The following ANO6 variants were observed in gnomAD, a reference collection of about 807,000 sequenced individuals.
ANO6 encodes the protein anoctamin 6.
Under a neutral mutation model 117.5 loss-of-function variants are expected in ANO6, and 106 were observed. The observed-to-expected ratio is 0.90, with a 90% CI of 0.77 to 1.06. The LOEUF is 1.06. ANO6 is among the 50% of genes least tolerant of loss of function. The pLI is 0.00. For missense variants in ANO6, 955 were observed against 1,121.1 expected, an observed-to-expected ratio of 0.85 and a Z score of 2.12; for synonymous variants, 367 against 385.1, an observed-to-expected ratio of 0.95 and a Z score of 0.55.
intron 3 of ANO6, among the ~76,000 whole-genome samples, chr12:45,346,028 G>C (rs186678589): frequency 2.0e-5 from 3 of 152,002 alleles, no homozygotes; most frequent in African/African-American, 7.2e-5. Flanking sequence ...CTTTTATAAG[G>C]AGCTCATTCC....
intron 1 of ANO6, among the ~76,000 whole-genome samples, chr12:45,231,610 C>T (rs1401382151): frequency 5.3e-5 from 8 of 152,198 alleles, no homozygotes; most frequent in African/African-American, 1.9e-4. Flanking sequence ...TCTCTTACTG[C>T]ATTTAGAATT....
At chr12:45,297,995 C>G (rs1305155520) in intron 1 of ANO6, among the ~76,000 whole-genome samples, 1 of 152,132 alleles carries the variant, frequency 6.6e-6, no homozygotes, top group Non-Finnish European at 1.5e-5. Flanking sequence ...TAGGGCCTTA[C>G]CACACAGTGT....
At chr12:45,383,569 A>C (rs2137562096) in intron 10 of ANO6, among the ~76,000 whole-genome samples, 1 of 151,102 alleles carries the variant, frequency 6.6e-6, no homozygotes, top group South Asian at 2.1e-4. Context: ...GGACTCCTTG[A>C]TCTATGGGCT....
intron 2 of ANO6, among the ~76,000 whole-genome samples, chr12:45,307,842 A>G (rs575914580): frequency 1.8e-4 from 27 of 152,106 alleles, no homozygotes; most frequent in Admixed American, 4.6e-4. Context: ...AGAAAGTATA[A>G]AGTAGGAAGG....
chr12:45,422,957 G>T lies in ANO6; in HGVS notation c.2421G>T (p.Arg807Ser), dbSNP rs138562350. Residue 807 changes from arginine to serine, a missense_variant and splice_region_variant, in exon 19 of 20, where the codon AGG becomes AGT. Arg to Ser is a moderately radical substitution (Grantham distance 110). Transcript: ENST00000320560. ...YSDLGNHTTC[R>S]YRDFRYPPGH... ...CAATATGTCTCCATTTTGTTTTCAG[G>T]TATCGTGATTTCCGATACCCACCTG... 5.6e-6 allele frequency: 9 copies of T among 1,605,084 alleles called. No individual in the cohort carries two copies. The highest frequency in any genetic ancestry group is 1.6e-4 in the Middle Eastern group (1 of 6,074).
rs966950707 is a variant in ANO6, at chr12:45,346,895, A to C, written c.280-127A>C. ...TTCTTCTATTCCATTTGCTTGACCAAATGCTGATGCATTTCTTTTTCAGGT... is the reference window on the plus strand; with the variant it reads ...TTCTTCTATTCCATTTGCTTGACCACATGCTGATGCATTTCTTTTTCAGGT... On this transcript the variant is annotated intron_variant, in intron 3 of 19. Coordinates refer to ENST00000320560, the MANE Select transcript of ANO6 (RefSeq NM_001025356.3). The C allele has an allele frequency of 3.7e-6, 3 of 810,646 alleles. No homozygotes were observed. In the African/African-American group the frequency reaches 5.1e-5, roughly 14 times the overall value. 50.2% of individuals were successfully genotyped at this position (810,646 alleles called of 1,614,324 possible).
At chr12:45,333,407 T>G (rs1940732265) in intron 3 of ANO6, among the ~76,000 whole-genome samples, 1 of 152,080 alleles carries the variant, frequency 6.6e-6, no homozygotes, top group South Asian at 2.1e-4. Context: ...CCAATGGATC[T>G]GGATTGAGCA....
At chr12:45,241,942 T>C (rs1947750741) in intron 1 of ANO6, among the ~76,000 whole-genome samples, 1 of 152,158 alleles carries the variant, frequency 6.6e-6, no homozygotes, top group South Asian at 2.1e-4. Flanking sequence ...CTGTGGAAGC[T>C]TCGTGCTAGA....
In ANO6 at chr12:45,432,109, ACTT is replaced by A. The variant is rs1943646109; in HGVS notation, c.*2802_*2804del. On this transcript the variant is annotated 3_prime_UTR_variant, in exon 20 of 20. Coordinates refer to ENST00000320560, the MANE Select transcript of ANO6 (RefSeq NM_001025356.3). ...GGTCAGAATGTACTCTTGTTGAAACACTTCTTGTACCATTTTATGTTCATATTA... is the reference window on the plus strand; with the variant it reads ...GGTCAGAATGTACTCTTGTTGAAACACTTGTACCATTTTATGTTCATATTA... 1.0e-6 allele frequency: 1 copy of A among 985,400 alleles called. No individual in the cohort carries two copies. Among genetic ancestry groups the A allele is most frequent in the Non-Finnish European group, 1.2e-6 (1 of 829,926 alleles). 61.0% of individuals were successfully genotyped at this position (985,400 alleles called of 1,614,324 possible).
At chr12:45,360,985 T>A (rs775457752) in intron 8 of ANO6, among the ~76,000 whole-genome samples, 2 of 152,206 alleles carry the variant, frequency 1.3e-5, no homozygotes, top group Non-Finnish European at 2.9e-5. Flanking sequence ...TCACTGTAAC[T>A]TTGTAAACTT....
intron 16 of ANO6, among the ~76,000 whole-genome samples, chr12:45,411,725 C>T (rs992427551): frequency 1.4e-4 from 22 of 152,208 alleles, no homozygotes; most frequent in African/African-American, 5.3e-4. Context: ...ACTCTCTTTC[C>T]TTCTTTCCTA....
chr12:45,322,757 A>T (rs1940323550), intron 2 of ANO6, among the ~76,000 whole-genome samples: 1 of 152,144 alleles, frequency 6.6e-6, no homozygotes, highest in South Asian at 2.1e-4. Context: ...CTAAAGATGA[A>T]AAAGTCAAAG....
Position 45,310,515 on chromosome 12 carries a change from A to C in ANO6, c.150+8422A>C, listed in dbSNP as rs141533234. ...AGAAGCAGTGGTCAGCCCACAGTTT[A>C]AGGAAGTCAGTTTAACTGTATGAGA... On this transcript the variant is annotated intron_variant, in intron 2 of 19. Transcript: ENST00000320560. Among the ~76,000 whole-genome samples the C allele has an allele frequency of 7.1e-3, 1,081 of 152,208 alleles. 22 individuals carry two copies. Among genetic ancestry groups the C allele is most frequent in the African/African-American group, 0.025 (1,020 of 41,548 alleles).
chr12:45,284,923 G>A (rs1304505120), intron 1 of ANO6, among the ~76,000 whole-genome samples: 1 of 152,328 alleles, frequency 6.6e-6, no homozygotes, highest in East Asian at 1.9e-4. Context: ...CTAGGGAGGG[G>A]CAATCTGAGT....
chr12:45,386,844 C>G (rs1398133213), intron 10 of ANO6, among the ~76,000 whole-genome samples: 1 of 152,224 alleles, frequency 6.6e-6, no homozygotes, highest in Non-Finnish European at 1.5e-5. Flanking sequence ...TTCCACCCAC[C>G]ACCACCTTCA....
At chr12:45,229,451 G>C in intron 1 of ANO6, among the ~76,000 whole-genome samples, 1 of 145,104 alleles carries the variant, frequency 6.9e-6, no homozygotes, top group Non-Finnish European at 1.5e-5. Context: ...GTGCAATGGC[G>C]TGATCTCAGC....
downstream of ANO6, among the ~76,000 whole-genome samples, chr12:45,437,192 T>G (rs1407391992): frequency 6.6e-6 from 1 of 152,182 alleles, no homozygotes; most frequent in Admixed American, 6.5e-5. Context: ...AACACAAAAC[T>G]ATTTTCCTAA....
At chr12:45,290,195 A>T (rs1320201445) in intron 1 of ANO6, among the ~76,000 whole-genome samples, 8 of 152,120 alleles carry the variant, frequency 5.3e-5, no homozygotes, top group African/African-American at 1.9e-4. Context: ...AATTCTGAAA[A>T]ATTCTGAATT....
At chr12:45,396,969 G>A (rs1942632422) in intron 12 of ANO6, among the ~76,000 whole-genome samples, 1 of 152,150 alleles carries the variant, frequency 6.6e-6, no homozygotes. Flanking sequence ...AAAAGCAATA[G>A]CAACAAAAGC....
Sources: gnomAD v4.1 joint callset for allele counts (sites outside exome capture counted in the v4.1 genomes callset) on GRCh38, gnomAD v4.1.1 for gene constraint, MANE v1.5 for transcripts, NCBI Gene and HGNC (gene_info 2026-07-23, HGNC 2026-07-21) for gene names.